The following SLCO3A1 variants were observed in gnomAD, a reference collection of about 807,000 sequenced individuals.
The protein encoded by SLCO3A1 is solute carrier organic anion transporter family member 3A1.
Under a neutral mutation model 63.1 loss-of-function variants are expected in SLCO3A1, and 27 were observed. That is an observed-to-expected ratio of 0.43 (90% CI 0.32 to 0.59). SLCO3A1 has a LOEUF of 0.59. Ranked by LOEUF, SLCO3A1 falls within the 20% of genes least tolerant of loss-of-function variation. The pLI, the probability that SLCO3A1 is intolerant of heterozygous loss-of-function variation, is 0.09. For synonymous variants in SLCO3A1, 473 were observed against 409.9 expected, an observed-to-expected ratio of 1.15 and a Z score of -1.86; for missense variants, 773 against 945.8, an observed-to-expected ratio of 0.82 and a Z score of 2.40.
In SLCO3A1 at chr15:92,072,000, CG is replaced by C. The variant is rs1479595992; in HGVS notation, c.647-22879del. ...CAAGGGTACAATTAATGGCACAAAT[CG>C]GTTCTTCCCTATGACGCACTTTGTG... On this transcript the variant is annotated intron_variant, in intron 2 of 9. Coordinates refer to ENST00000318445, the MANE Select transcript of SLCO3A1 (RefSeq NM_013272.4). Among the ~76,000 whole-genome samples, 4 of 152,184 alleles carry C rather than the reference CG, an allele frequency of 2.6e-5. No individual in the cohort carries two copies. The East Asian group carries it at 7.7e-4, about 29-fold the overall frequency.
At chr15:92,073,896 C>T (rs1428347057) in intron 2 of SLCO3A1, among the ~76,000 whole-genome samples, 3 of 152,216 alleles carry the variant, frequency 2.0e-5, no homozygotes, top group Non-Finnish European at 4.4e-5. Flanking sequence ...AGGTCAGGCA[C>T]CGTGGCTCAC....
chr15:92,045,821 GCAAA>G (rs1344714733), intron 2 of SLCO3A1, among the ~76,000 whole-genome samples: 2 of 152,108 alleles, frequency 1.3e-5, no homozygotes, highest in Non-Finnish European at 2.9e-5. Context: ...GAGCCTCCTT[GCAAA>G]GTAGATAGTA....
intron 8 of SLCO3A1, among the ~76,000 whole-genome samples, chr15:92,147,408 G>A (rs1266374834): frequency 6.6e-6 from 1 of 152,054 alleles, no homozygotes; most frequent in African/African-American, 2.4e-5. Context: ...AGAGCCTGCA[G>A]GCAGTTTTGA....
Position 91,853,985 on chromosome 15 carries a change from A to G in SLCO3A1, c.77A>G (p.Asn26Ser). 6.6e-7 allele frequency: 1 copy of G among 1,524,944 alleles called. No homozygotes were observed. The highest frequency in any genetic ancestry group is 1.2e-5 in the South Asian group (1 of 82,468). The allele number at this position is 1,524,944 out of a possible 1,614,324, so 94.5% of individuals were successfully genotyped here. A position where few individuals can be genotyped will look rare whatever the true frequency, so the allele number is the denominator to read the frequency against. ...CTGCAGGGGGACGAGGCGCAGAGGA[A>G]CAAGAAAAAGAAAAAGAAGGTGTCC... ...GELQGDEAQR[N>S]KKKKKKVSCF... Residue 26 changes from asparagine to serine, a missense_variant, in exon 1 of 10, where the codon AAC becomes AGC. Asn to Ser is a conservative substitution (Grantham distance 46). Coordinates refer to ENST00000318445, the MANE Select transcript of SLCO3A1 (RefSeq NM_013272.4).
chr15:92,037,648 C>G (rs1316409600), intron 2 of SLCO3A1, among the ~76,000 whole-genome samples: 1 of 152,208 alleles, frequency 6.6e-6, no homozygotes, highest in Non-Finnish European at 1.5e-5. Flanking sequence ...AGCATGCTTT[C>G]ACTTTATCGT....
At chr15:92,013,273 T>TGGTATCTC (rs1331275624) in intron 2 of SLCO3A1, among the ~76,000 whole-genome samples, 15 of 152,216 alleles carry the variant, frequency 9.9e-5, no homozygotes, top group Non-Finnish European at 2.2e-4. Flanking sequence ...GGATTGATAT[T>TGGTATCTC]GGTATCTCAT....
At chr15:92,092,192 G>C (rs913414755) in intron 2 of SLCO3A1, among the ~76,000 whole-genome samples, 4 of 152,134 alleles carry the variant, frequency 2.6e-5, no homozygotes, top group African/African-American at 9.7e-5. Flanking sequence ...GCACAGTCTC[G>C]ATGCAACCCC....
intron 2 of SLCO3A1, among the ~76,000 whole-genome samples, chr15:91,984,081 G>A (rs2046020759): frequency 1.3e-5 from 2 of 152,174 alleles, no homozygotes; most frequent in Admixed American, 6.5e-5. Flanking sequence ...CAGACCAGGG[G>A]GCCACCAGGT....
rs764229549 is a variant in SLCO3A1, at chr15:91,882,128, G to T, written c.180+28040G>T. On this transcript the variant is annotated intron_variant, in intron 1 of 9. Transcript: ENST00000318445. This position sits in a 1 kb window ranked among gnomAD's most constrained non-coding sequence, Gnocchi z 4.4. ...AGGGAAGCAGTGCATTCCAGGATCAGGCAGTATAAACAGTGCTTACCTCTG... is the reference window on the plus strand; with the variant it reads ...AGGGAAGCAGTGCATTCCAGGATCATGCAGTATAAACAGTGCTTACCTCTG... Among the ~76,000 whole-genome samples, 15 of 152,130 alleles carry T rather than the reference G, an allele frequency of 9.9e-5. No homozygotes were observed. The highest frequency in any genetic ancestry group is 2.1e-4 in the Non-Finnish European group (14 of 68,024).
At chr15:92,028,401 G>C (rs117871545) in intron 2 of SLCO3A1, among the ~76,000 whole-genome samples, 1,539 of 152,256 alleles carry the variant, frequency 0.01, 10 homozygotes, top group Middle Eastern at 0.017. Flanking sequence ...AACATTTGCA[G>C]GATGTTCGCC....
At chr15:91,880,157 CCA>C (rs1567168710) in intron 1 of SLCO3A1, among the ~76,000 whole-genome samples, 5 of 150,394 alleles carry the variant, frequency 3.3e-5, no homozygotes, top group African/African-American at 1.2e-4. Flanking sequence ...ATCCATCCAT[CCA>C]TCCATCCATC....
intron 2 of SLCO3A1, among the ~76,000 whole-genome samples, chr15:92,031,317 G>T (rs982525775): frequency 6.6e-6 from 1 of 152,184 alleles, no homozygotes; most frequent in Non-Finnish European, 1.5e-5. Flanking sequence ...TGAAGAGAAA[G>T]AAAGAGTGTT....
chr15:91,966,711 C>A (rs1900673983), intron 2 of SLCO3A1, among the ~76,000 whole-genome samples: 1 of 152,178 alleles, frequency 6.6e-6, no homozygotes, highest in Non-Finnish European at 1.5e-5. Flanking sequence ...TCTCAGATCC[C>A]AGTTAACCTG....
At chr15:92,061,606 G>A (rs1309350254) in intron 2 of SLCO3A1, among the ~76,000 whole-genome samples, 5 of 152,236 alleles carry the variant, frequency 3.3e-5, no homozygotes, top group African/African-American at 1.2e-4. Flanking sequence ...CTGTTGGGAA[G>A]ATCCTAAGAA....
In SLCO3A1 at chr15:91,854,376, CTA is replaced by C. The variant is rs1309485634; in HGVS notation, c.180+290_180+291del. ...AGGCGGCGGGCAGGTGGGCGTGAAA[CTA>C]TTCCTCTCCCCCCATAAGAGCGGAG... On this transcript the variant is annotated intron_variant, in intron 1 of 9. Coordinates refer to ENST00000318445, the MANE Select transcript of SLCO3A1 (RefSeq NM_013272.4). The surrounding 1 kb of genome is among the most constrained non-coding windows in gnomAD (Gnocchi z 6.4). The C allele has an allele frequency of 3.7e-6, 4 of 1,081,524 alleles. No individual in the cohort carries two copies. In the African/African-American group the frequency reaches 7.1e-5, roughly 19 times the overall value. The allele number at this position is 1,081,524 out of a possible 1,614,324, so 67.0% of individuals were successfully genotyped here.
chr15:91,947,992 T>C (rs1899868768), intron 2 of SLCO3A1, among the ~76,000 whole-genome samples: 1 of 152,140 alleles, frequency 6.6e-6, no homozygotes, highest in African/African-American at 2.4e-5. Flanking sequence ...CATGTGAGAA[T>C]TGTTTATCCT....
chr15:92,039,815 CA>C (rs2046775018), intron 2 of SLCO3A1, among the ~76,000 whole-genome samples: 1 of 152,118 alleles, frequency 6.6e-6, no homozygotes, highest in African/African-American at 2.4e-5. Context: ...GGAACCAACC[CA>C]AATGCCCATC....
chr15:91,864,855 G>A (rs564016873), intron 1 of SLCO3A1, among the ~76,000 whole-genome samples: 7 of 152,284 alleles, frequency 4.6e-5, no homozygotes, highest in Middle Eastern at 3.4e-3. Context: ...GCTCTGTCAC[G>A]TCCTGGTTGT....
chr15:92,024,434 A>G (rs752606809), intron 2 of SLCO3A1, among the ~76,000 whole-genome samples: 1 of 152,214 alleles, frequency 6.6e-6, no homozygotes, highest in Non-Finnish European at 1.5e-5. Context: ...ACTTGCTTTT[A>G]TAGTGAGTTA....
Sources: allele counts gnomAD v4.1 joint callset (sites outside exome capture counted in the v4.1 genomes callset), GRCh38; gene constraint gnomAD v4.1.1; non-coding constraint Gnocchi (gnomAD v3.1); transcripts MANE v1.5; gene names NCBI Gene and HGNC (gene_info 2026-07-23, HGNC 2026-07-21).